Variants in SLC22A23 observed in about 807,000 individuals in gnomAD.
The protein encoded by SLC22A23 is solute carrier family 22 member 23.
A neutral mutation model predicts 61.0 loss-of-function variants in SLC22A23; 26 were observed. The ratio of observed to expected loss-of-function variants is 0.43; its 90% CI spans 0.31 to 0.59. The LOEUF (loss-of-function observed/expected upper bound fraction) is 0.59, where lower values mean the gene tolerates loss of function less well. SLC22A23 is among the 20% of genes least tolerant of loss of function. The pLI, the probability that SLC22A23 is intolerant of heterozygous loss-of-function variation, is 0.11. For missense variants in SLC22A23, 796 were observed against 934.7 expected, an observed-to-expected ratio of 0.85 and a Z score of 1.94; for synonymous variants, 430 against 413.9, an observed-to-expected ratio of 1.04 and a Z score of -0.47.
chr6:3,379,042 G>C (rs183912252), intron 3 of SLC22A23, among the ~76,000 whole-genome samples: 1 of 152,250 alleles, frequency 6.6e-6, no homozygotes, highest in Admixed American at 6.5e-5. Flanking sequence ...TGTCTTTATG[G>C]GAGAGTTGTC....
intron 3 of SLC22A23, among the ~76,000 whole-genome samples, chr6:3,381,320 A>G (rs753816528): frequency 6.9e-6 from 1 of 145,480 alleles, no homozygotes; most frequent in Admixed American, 6.9e-5. Context: ...ACTGTAGTAC[A>G]GTGGGGGCTC....
chr6:3,366,205 C>T (rs997064200), intron 3 of SLC22A23, among the ~76,000 whole-genome samples: 2 of 151,704 alleles, frequency 1.3e-5, no homozygotes, highest in Non-Finnish European at 2.9e-5. Flanking sequence ...TGGTGGCATG[C>T]ACCTGTAGTC....
At position 3,294,608 on chromosome 6, in the gene SLC22A23, C is replaced by T. The variant is rs117434648; in HGVS notation, c.1210+3483G>A. On this transcript the variant is annotated intron_variant, in intron 5 of 9. Coordinates refer to ENST00000406686, the MANE Select transcript of SLC22A23 (RefSeq NM_015482.2). Reference sequence around the variant, plus strand: ...CGTTTTTGCATTAGGCTGCTGGCCACACGGCCACATTGGGAACCAGCGGGC... The same window carrying T: ...CGTTTTTGCATTAGGCTGCTGGCCATACGGCCACATTGGGAACCAGCGGGC... Among the ~76,000 whole-genome samples, 152 of 152,316 alleles carry T rather than the reference C, an allele frequency of 1.0e-3. 3 individuals are homozygous for T. The East Asian group carries it at 0.024, about 24-fold the overall frequency.
chr6:3,292,466 C>T (rs969526912), intron 5 of SLC22A23, among the ~76,000 whole-genome samples: 4 of 152,168 alleles, frequency 2.6e-5, no homozygotes, highest in South Asian at 4.1e-4. Context: ...TTTGCTGCTG[C>T]GAGCACCCAG....
Position 3,283,974 on chromosome 6 carries a change from C to A in SLC22A23, c.1581G>T (p.Gly527=), listed in dbSNP as rs1478970252. 4 of 1,601,934 alleles carry A rather than the reference C, an allele frequency of 2.5e-6. No individual in the cohort carries two copies. The highest frequency in any genetic ancestry group is 3.4e-6 in the Non-Finnish European group (4 of 1,170,662). Residue 527 remains glycine (G), a splice_region_variant and synonymous_variant, in exon 9 of 10, where the codon GGG becomes GGT. Coordinates refer to ENST00000406686, the MANE Select transcript of SLC22A23 (RefSeq NM_015482.2). ...IGKYSQHPDS[G]MSDSVKDKFS... ...ATTTGTCCTTGACGCTGTCACTCAT[C>A]CCTGGGGGAAGGTCAGAAGAAGGTG...
At position 3,289,549 on chromosome 6, in the gene SLC22A23, C is replaced by T. The variant is rs1311538576; in HGVS notation, c.1313+215G>A. On this transcript the variant is annotated intron_variant, in intron 6 of 9. Coordinates refer to ENST00000406686, the MANE Select transcript of SLC22A23 (RefSeq NM_015482.2). ...GGGCACGTGGTGGGGAGGCCCTGCT[C>T]ACAGGATTTACACGCCTGGGCTGGG... 3.3e-5 allele frequency among the ~76,000 whole-genome samples: 5 copies of T among 152,258 alleles called. 1 individual carries two copies. Among genetic ancestry groups the T allele is most frequent in the South Asian group, 4.1e-4 (2 of 4,834 alleles).
At chr6:3,406,533 T>TGTGTGTGTGTGC (rs1238255769) in intron 3 of SLC22A23, among the ~76,000 whole-genome samples, 7 of 54,832 alleles carry the variant, frequency 1.3e-4, no homozygotes, top group African/African-American at 9.2e-4. Flanking sequence ...TGCCTGTGTG[T>TGTGTGTGTGTGC]GTGTGTGTGT....
intron 3 of SLC22A23, among the ~76,000 whole-genome samples, chr6:3,346,355 C>G (rs1192514860): frequency 6.6e-6 from 1 of 152,202 alleles, no homozygotes; most frequent in Non-Finnish European, 1.5e-5. Context: ...CACTTCATGT[C>G]TGTTAATGAC....
chr6:3,356,517 A>G (rs1281647125), intron 3 of SLC22A23, among the ~76,000 whole-genome samples: 1 of 152,124 alleles, frequency 6.6e-6, no homozygotes, highest in African/African-American at 2.4e-5. Context: ...CCGGCTCTGC[A>G]CTACCCTCCC....
At chr6:3,394,641 AAC>A (rs1329030080) in intron 3 of SLC22A23, among the ~76,000 whole-genome samples, 1 of 152,136 alleles carries the variant, frequency 6.6e-6, no homozygotes, top group Non-Finnish European at 1.5e-5. Flanking sequence ...ATCCCCCCCA[AAC>A]ACAAAGCAAA....
intron 1 of SLC22A23, chr6:3,439,417 A>G (rs1454503995): frequency 2.2e-5 from 9 of 403,228 alleles, no homozygotes; most frequent in Non-Finnish European, 1.9e-5. Flanking sequence ...CTGGACGAAG[A>G]TGGGCCCGTT....
chr6:3,430,272 C>T (rs372741109), intron 1 of SLC22A23, among the ~76,000 whole-genome samples: 112 of 152,218 alleles, frequency 7.4e-4, no homozygotes, highest in African/African-American at 2.6e-3. Context: ...GGCAGTGAGA[C>T]GTCCTTTCTC....
At chr6:3,434,911 T>TTCTTA (rs1771108934) in intron 1 of SLC22A23, among the ~76,000 whole-genome samples, 2 of 152,068 alleles carry the variant, frequency 1.3e-5, no homozygotes, top group African/African-American at 2.4e-5. Flanking sequence ...AGGCCTGAGG[T>TTCTTA]TCTTAGCAGG....
At position 3,456,976 on chromosome 6, in the gene SLC22A23, T is replaced by C. The variant is rs141774839; in HGVS notation, c.-417A>G. The C allele has an allele frequency of 0.094, 14,251 of 151,094 alleles. 809 individuals are homozygous for C. Among genetic ancestry groups the C allele is most frequent in the African/African-American group, 0.16 (6,458 of 41,300 alleles). 9.4% of individuals were successfully genotyped at this position (151,094 alleles called of 1,614,324 possible). On this transcript the variant is annotated 5_prime_UTR_variant, in exon 1 of 10. Transcript: ENST00000406686. This position sits in a 1 kb window ranked among gnomAD's most constrained non-coding sequence, Gnocchi z 7.1. ...GGGCGGCGGTGCGGGCAAAGGCTGC[T>C]GCTCCCGGGGTGGCCGCGCTGTATT... is the stretch of plus-strand genomic sequence containing the variant.
chr6:3,380,272 A>G (rs1327238065), intron 3 of SLC22A23, among the ~76,000 whole-genome samples: 1 of 152,214 alleles, frequency 6.6e-6, no homozygotes, highest in East Asian at 1.9e-4. Flanking sequence ...CAGGCATGAT[A>G]GCCTTGACTA....
chr6:3,383,362 G>T (rs1265561524), intron 3 of SLC22A23, among the ~76,000 whole-genome samples: 1 of 151,304 alleles, frequency 6.6e-6, no homozygotes, highest in Non-Finnish European at 1.5e-5. Context: ...TGGGGCTGGG[G>T]AGGGACACCC....
chr6:3,435,539 A>G (rs1403451370), intron 1 of SLC22A23, among the ~76,000 whole-genome samples: 1 of 152,076 alleles, frequency 6.6e-6, no homozygotes, highest in Non-Finnish European at 1.5e-5. Flanking sequence ...GCCAACTCCT[A>G]TGGAAGTTCT....
At chr6:3,396,608 G>C (rs946592921) in intron 3 of SLC22A23, among the ~76,000 whole-genome samples, 12 of 152,176 alleles carry the variant, frequency 7.9e-5, no homozygotes, top group African/African-American at 2.9e-4. Flanking sequence ...CACACAGGCA[G>C]CTGGACATTG....
chr6:3,337,996 C>G (rs931092736), intron 3 of SLC22A23, among the ~76,000 whole-genome samples: 5 of 152,202 alleles, frequency 3.3e-5, no homozygotes, highest in Non-Finnish European at 7.3e-5. Context: ...TCCCTCCCTT[C>G]TCCCACAGGA....
Sources: gnomAD v4.1 joint callset for allele counts (sites outside exome capture counted in the v4.1 genomes callset) on GRCh38, gnomAD v4.1.1 for gene constraint, Gnocchi (gnomAD v3.1) non-coding constraint, MANE v1.5 for transcripts, NCBI Gene and HGNC (gene_info 2026-07-23, HGNC 2026-07-21) for gene names.